ACTR3B: variants seen among roughly 807,000 people sequenced by gnomAD.
ACTR3B encodes the protein actin-related protein 3B.
ACTR3B carries 8 observed loss-of-function variants against 59.0 expected under a neutral mutation model. That is an observed-to-expected ratio of 0.14 (90% CI 0.08 to 0.24). The LOEUF (loss-of-function observed/expected upper bound fraction) is 0.24. Among genes scored for constraint, ACTR3B ranks in the 10% least tolerant of loss-of-function variants. The pLI is 1.00. For missense variants in ACTR3B, 245 were observed against 552.3 expected (o/e 0.44, Z 5.58); for synonymous variants, 148 against 197.9 (o/e 0.75, Z 2.12).
chr7:152,854,744 T>C lies in ACTR3B; in HGVS notation c.*191T>C. The C allele has an allele frequency of 1.8e-6, 1 of 550,844 alleles. No individual in the cohort carries two copies. Among genetic ancestry groups the C allele is most frequent in the Non-Finnish European group, 3.2e-6 (1 of 310,904 alleles). The allele number at this position is 550,844 out of a possible 1,614,324, so 34.1% of individuals were successfully genotyped here. A position where few individuals can be genotyped will look rare whatever the true frequency, so the allele number is the denominator to read the frequency against. ...ATTTATCCGTGTGCCGACCGCTGTC[T>C]GCCAGCCTCCTCCTTCTCCCGCCCT... On this transcript the variant is annotated 3_prime_UTR_variant, in exon 12 of 12. Transcript: ENST00000256001. This position sits in a 1 kb window ranked among gnomAD's most constrained non-coding sequence, Gnocchi z 4.9.
intron 2 of ACTR3B, among the ~76,000 whole-genome samples, chr7:152,786,693 G>T (rs188323905): frequency 1.6e-4 from 24 of 151,596 alleles, no homozygotes; most frequent in Admixed American, 1.3e-3. Context: ...TATAGGTTGA[G>T]TATCAGACCT....
chr7:152,809,669 A>C (rs1437516143), intron 4 of ACTR3B, among the ~76,000 whole-genome samples: 6 of 151,672 alleles, frequency 4.0e-5, no homozygotes, highest in African/African-American at 1.2e-4. Flanking sequence ...AAGCCTCCTG[A>C]GTAGCTAGGA....
chr7:152,829,350 T>C (rs1796841068), intron 9 of ACTR3B, among the ~76,000 whole-genome samples: 1 of 152,186 alleles, frequency 6.6e-6, no homozygotes, highest in African/African-American at 2.4e-5. Flanking sequence ...TTGACTAACA[T>C]CTCCCCACTC....
intron 9 of ACTR3B, among the ~76,000 whole-genome samples, chr7:152,838,079 GTGCAACAT>G (rs1188127125): frequency 6.6e-6 from 1 of 151,550 alleles, no homozygotes; most frequent in Admixed American, 6.6e-5. Context: ...TGTTTGTCAT[GTGCAACAT>G]GGTGGTTGGT....
chr7:152,792,259 C>T (rs1167413963), intron 2 of ACTR3B, among the ~76,000 whole-genome samples: 9 of 152,196 alleles, frequency 5.9e-5, no homozygotes, highest in South Asian at 4.1e-4. Context: ...ACATCAGTTA[C>T]AATTTTTGCT....
At chr7:152,826,839 C>T (rs988519909) in intron 9 of ACTR3B, among the ~76,000 whole-genome samples, 9 of 149,174 alleles carry the variant, frequency 6.0e-5, no homozygotes, top group African/African-American at 2.2e-4. Context: ...CACTGAGCCC[C>T]AGAGTTGGGA....
intron 1 of ACTR3B, among the ~76,000 whole-genome samples, chr7:152,778,668 G>C (rs7802304): frequency 6.6e-6 from 1 of 151,616 alleles, no homozygotes; most frequent in Admixed American, 6.6e-5. Context: ...AGCTGGGCTC[G>C]GTGGCTCACA....
intron 9 of ACTR3B, among the ~76,000 whole-genome samples, chr7:152,836,864 C>G (rs1393763518): frequency 6.6e-6 from 1 of 152,048 alleles, no homozygotes; most frequent in African/African-American, 2.4e-5. Context: ...CTTACTCTTC[C>G]TTGTGGAAAT....
chr7:152,822,897 C>A (rs943235221), intron 7 of ACTR3B, among the ~76,000 whole-genome samples: 1 of 152,166 alleles, frequency 6.6e-6, no homozygotes, highest in South Asian at 2.1e-4. Flanking sequence ...CCAAAGAAGC[C>A]GCTGCAGTCA....
At chr7:152,825,628 T>C (rs1796511375) in intron 9 of ACTR3B, among the ~76,000 whole-genome samples, 1 of 152,150 alleles carries the variant, frequency 6.6e-6, no homozygotes, top group East Asian at 1.9e-4. Context: ...ACTGGAAGTA[T>C]TTCAGTATTG....
chr7:152,801,940 GCT>G (rs1184421454), intron 4 of ACTR3B, among the ~76,000 whole-genome samples: 16 of 151,376 alleles, frequency 1.1e-4, no homozygotes, highest in African/African-American at 3.6e-4. Context: ...AAGTGAGGCA[GCT>G]CTAGGGCTGT....
chr7:152,809,547 T>TG lies in ACTR3B; in HGVS notation c.337-5003_337-5002insG, dbSNP rs1265647285. 3.7e-3 allele frequency among the ~76,000 whole-genome samples: 554 copies of TG among 151,690 alleles called. 3 individuals are homozygous for TG. The highest frequency in any genetic ancestry group is 5.0e-3 in the Non-Finnish European group (340 of 67,904). ...TTGTTTTTGTTTTTTCTTTTTTTTT[T>TG]TTGTTTTTTTTTGAGACGGAGTCTT... On this transcript the variant is annotated intron_variant, in intron 4 of 11. Transcript: ENST00000256001.
At chr7:152,808,829 C>A (rs1563114699) in intron 4 of ACTR3B, among the ~76,000 whole-genome samples, 1 of 152,098 alleles carries the variant, frequency 6.6e-6, no homozygotes, top group Non-Finnish European at 1.5e-5. Context: ...ATGTGCCCAG[C>A]CCCATTCTAA....
intron 9 of ACTR3B, among the ~76,000 whole-genome samples, chr7:152,826,413 ATTT>A (rs1184093469): frequency 3.3e-5 from 5 of 151,778 alleles, no homozygotes; most frequent in African/African-American, 1.2e-4. Context: ...TACTGTTAAG[ATTT>A]TTTTATAATT....
chr7:152,833,133 G>T (rs1266801367), intron 9 of ACTR3B, among the ~76,000 whole-genome samples: 6 of 152,256 alleles, frequency 3.9e-5, no homozygotes, highest in African/African-American at 9.6e-5. Context: ...AGCCTTGTGA[G>T]AGAAGCTGGG....
chr7:152,845,576 C>T (rs931988939), intron 9 of ACTR3B, among the ~76,000 whole-genome samples: 7 of 152,220 alleles, frequency 4.6e-5, no homozygotes, highest in Admixed American at 2.6e-4. Flanking sequence ...AAAGGAGCAG[C>T]GCGAATGAGG....
At chr7:152,829,921 A>G (rs562117091) in intron 9 of ACTR3B, among the ~76,000 whole-genome samples, 1 of 152,316 alleles carries the variant, frequency 6.6e-6, no homozygotes, top group East Asian at 1.9e-4. Context: ...ACTAGGTACA[A>G]GACACTGTTG....
intron 9 of ACTR3B, among the ~76,000 whole-genome samples, chr7:152,846,743 C>T (rs1380489454): frequency 1.5e-5 from 2 of 134,328 alleles, no homozygotes; most frequent in Non-Finnish European, 3.1e-5. Context: ...GCGCCCGGGG[C>T]TGTAGTCTGC....
chr7:152,818,254 CA>C (rs370373970), intron 6 of ACTR3B, among the ~76,000 whole-genome samples: 3,277 of 152,298 alleles, frequency 0.022, 108 homozygotes, highest in African/African-American at 0.07. Context: ...ATACATTTCA[CA>C]GTGTGTCCAG....
Sources: gnomAD v4.1 joint callset for allele counts (sites outside exome capture counted in the v4.1 genomes callset) on GRCh38, gnomAD v4.1.1 for gene constraint, Gnocchi (gnomAD v3.1) non-coding constraint, MANE v1.5 for transcripts, NCBI Gene and HGNC (gene_info 2026-07-23, HGNC 2026-07-21) for gene names.